Variants in CTXND2 observed in about 807,000 individuals in gnomAD.
CTXND2 encodes cortexin domain containing 2.
chr1:150,896,769 T>C (rs759778803), intron 1 of CTXND2, among the ~76,000 whole-genome samples: 5 of 152,218 alleles, frequency 3.3e-5, no homozygotes, highest in Non-Finnish European at 7.3e-5. Flanking sequence ...CAAATATTTA[T>C]TGAACATCTA....
chr1:150,895,930 C>T (rs1294137733), intron 1 of CTXND2, among the ~76,000 whole-genome samples: 1 of 152,176 alleles, frequency 6.6e-6, no homozygotes, highest in Non-Finnish European at 1.5e-5. Flanking sequence ...CCAGCATTGC[C>T]CTAACCAGAC....
chr1:150,893,934 A>G (rs947764916), intron 1 of CTXND2, among the ~76,000 whole-genome samples: 2 of 151,546 alleles, frequency 1.3e-5, no homozygotes, highest in South Asian at 4.2e-4. Flanking sequence ...TTCTATCCCT[A>G]TTTTGCTAAG....
intron 1 of CTXND2, among the ~76,000 whole-genome samples, chr1:150,907,654 ATTTCTCC>A (rs1169390926): frequency 6.9e-6 from 1 of 145,822 alleles, no homozygotes; most frequent in Non-Finnish European, 1.5e-5. Context: ...ACATGTTTTC[ATTTCTCC>A]TGGGGACAGC....
chr1:150,909,013 G>A (rs1186187074), intron 1 of CTXND2, among the ~76,000 whole-genome samples: 1 of 151,886 alleles, frequency 6.6e-6, no homozygotes, highest in Non-Finnish European at 1.5e-5. Context: ...GCCAAGGGGG[G>A]CAGATCACCT....
chr1:150,896,491 AT>A (rs1285937737), intron 1 of CTXND2, among the ~76,000 whole-genome samples: 1 of 152,160 alleles, frequency 6.6e-6, no homozygotes, highest in African/African-American at 2.4e-5. Flanking sequence ...TTCAGCTGCT[AT>A]TCTACTTCTC....
intron 1 of CTXND2, among the ~76,000 whole-genome samples, chr1:150,911,821 T>C (rs1319042287): frequency 6.6e-6 from 1 of 152,194 alleles, no homozygotes; most frequent in Non-Finnish European, 1.5e-5. Context: ...TTAAATGTAG[T>C]GATCAGAAAA....
intron 1 of CTXND2, among the ~76,000 whole-genome samples, chr1:150,907,753 A>C (rs1313220412): frequency 8.5e-6 from 1 of 117,416 alleles, no homozygotes; most frequent in Non-Finnish European, 1.6e-5. Flanking sequence ...ACTCTCACCC[A>C]GGCTGGAGTG....
chr1:150,910,865 C>T (rs1003061564), intron 1 of CTXND2, among the ~76,000 whole-genome samples: 8 of 151,840 alleles, frequency 5.3e-5, no homozygotes, highest in Non-Finnish European at 2.9e-5. Flanking sequence ...AGTGCAGTGG[C>T]GTGATCTCGG....
intron 1 of CTXND2, among the ~76,000 whole-genome samples, chr1:150,896,855 A>G (rs1250785467): frequency 6.6e-6 from 1 of 152,238 alleles, no homozygotes. Flanking sequence ...TTTATCAGCC[A>G]GTACAGACTA....
intron 1 of CTXND2, among the ~76,000 whole-genome samples, chr1:150,908,782 T>C (rs1019176509): frequency 7.3e-6 from 1 of 136,222 alleles, no homozygotes; most frequent in African/African-American, 2.6e-5. Context: ...GCCACACACC[T>C]AGCTAATTAA....
rs899057725 is a variant in CTXND2 at position 150,902,123 on chromosome 1, T to G, written c.-73-10119T>G. ...TCTACTAAAAATACAAAAATTTGGC[T>G]GGGCGCCGTGGCTCACGCCTGTAAT... On this transcript the variant is annotated intron_variant, in intron 1 of 1. Coordinates refer to ENST00000636087, the Ensembl canonical transcript of CTXND2. Among the ~76,000 whole-genome samples the G allele has an allele frequency of 4.6e-5, 7 of 151,844 alleles. No individual in the cohort carries two copies. In the South Asian group the frequency reaches 1.2e-3, roughly 27 times the overall value.
intron 1 of CTXND2, among the ~76,000 whole-genome samples, chr1:150,911,075 C>A (rs1438582498): frequency 6.7e-5 from 10 of 149,562 alleles, no homozygotes; most frequent in Non-Finnish European, 1.3e-4. Context: ...AAGTGCTGGG[C>A]TTACAGGCAT....
intron 1 of CTXND2, among the ~76,000 whole-genome samples, chr1:150,895,053 AC>A (rs1009613292): frequency 4.0e-5 from 6 of 151,554 alleles, no homozygotes; most frequent in African/African-American, 1.5e-4. Context: ...ATATATATAT[AC>A]ATATATATAT....
chr1:150,901,795 G>A (rs1265384335), intron 1 of CTXND2, among the ~76,000 whole-genome samples: 18 of 152,060 alleles, frequency 1.2e-4, no homozygotes, highest in Admixed American at 1.1e-3. Flanking sequence ...GCGGGCACCT[G>A]TAGTCCCAGC....
At chr1:150,895,089 C>A (rs192593060) in intron 1 of CTXND2, among the ~76,000 whole-genome samples, 61 of 151,440 alleles carry the variant, frequency 4.0e-4, no homozygotes, top group Non-Finnish European at 7.2e-4. Flanking sequence ...GTATTTAGTT[C>A]TATTTTGTCT....
rs587692967 is a variant in CTXND2 at position 150,898,655 on chromosome 1, CTG to C, written c.-74+11343_-74+11344del. On this transcript the variant is annotated intron_variant, in intron 1 of 1. Transcript: ENST00000636087. ...CCTGTAGTCCCAGCTACTCAGGAAA[CTG>C]AGGCAGAAGAATTGCTCGAACCCAG... Among the ~76,000 whole-genome samples the C allele has an allele frequency of 3.1e-4, 47 of 150,926 alleles. 2 individuals are homozygous for C. The South Asian group carries it at 9.4e-3, about 30-fold the overall frequency.
At chr1:150,897,439 A>G (rs956875448) in intron 1 of CTXND2, among the ~76,000 whole-genome samples, 6 of 152,186 alleles carry the variant, frequency 3.9e-5, no homozygotes, top group Admixed American at 2.6e-4. Flanking sequence ...ATTCTCCAGC[A>G]TCAGCCTCCC....
chr1:150,902,914 C>A (rs1476241472), intron 1 of CTXND2, among the ~76,000 whole-genome samples: 1 of 152,010 alleles, frequency 6.6e-6, no homozygotes, highest in Non-Finnish European at 1.5e-5. Context: ...AACATTCCAG[C>A]AACTTTCCCC....
chr1:150,896,622 CTA>C (rs1290528708), intron 1 of CTXND2, among the ~76,000 whole-genome samples: 3 of 152,190 alleles, frequency 2.0e-5, no homozygotes, highest in Non-Finnish European at 1.5e-5. Context: ...TACTATAACA[CTA>C]TTTCCTTTTA....
Sources: gnomAD v4.1 joint callset for allele counts (sites outside exome capture counted in the v4.1 genomes callset) on GRCh38, gnomAD v4.1.1 for gene constraint, MANE v1.5 for transcripts, NCBI Gene and HGNC (gene_info 2026-07-23, HGNC 2026-07-21) for gene names.